The following FBXL17 variants were observed in gnomAD, a reference collection of about 807,000 sequenced individuals.
FBXL17 encodes F-box and leucine rich repeat protein 17.
FBXL17 carries 22 observed loss-of-function variants against 66.2 expected under a neutral mutation model. The ratio of observed to expected loss-of-function variants is 0.33; its 90% CI spans 0.24 to 0.47. The LOEUF (loss-of-function observed/expected upper bound fraction) is 0.47, where lower values mean the gene tolerates loss of function less well. Ranked by LOEUF, FBXL17 falls within the 20% of genes least tolerant of loss-of-function variation. The probability of loss-of-function intolerance (pLI) is 1.00; values close to 1 mark genes in which losing one functional copy is unlikely to be tolerated. For missense variants in FBXL17, 878 were observed against 948.2 expected (o/e 0.93, Z 0.97); for synonymous variants, 474 against 400.5 (o/e 1.18, Z -2.19).
chr5:108,364,716 C>T, intron 3 of FBXL17, 22 bp downstream of exon 3: 1 of 1,573,108 alleles, frequency 6.4e-7, no homozygotes, highest in Non-Finnish European at 8.7e-7. Flanking sequence ...AGTAAAATCA[C>T]TTTATAAATG....
intron 6 of FBXL17, among the ~76,000 whole-genome samples, chr5:108,070,942 T>C (rs777889497): frequency 6.6e-6 from 1 of 152,238 alleles, no homozygotes; most frequent in Admixed American, 6.5e-5. Context: ...ACAAATCTTT[T>C]AAATTCAGGA....
intron 4 of FBXL17, among the ~76,000 whole-genome samples, chr5:108,329,784 A>G (rs1057157061): frequency 1.3e-5 from 2 of 152,280 alleles, no homozygotes; most frequent in East Asian, 1.9e-4. Flanking sequence ...TACATAAGTG[A>G]CATCCCTTTC....
chr5:107,932,211 T>C, intron 7 of FBXL17, among the ~76,000 whole-genome samples: 1 of 152,202 alleles, frequency 6.6e-6, no homozygotes, highest in East Asian at 1.9e-4. Flanking sequence ...CATCAATAAA[T>C]TTCACTGAAT....
intron 6 of FBXL17, among the ~76,000 whole-genome samples, chr5:108,152,181 AAAGTCAAGATAATAATTTAG>A (rs1260113263): frequency 6.6e-6 from 1 of 152,236 alleles, no homozygotes; most frequent in African/African-American, 2.4e-5. Context: ...AAAACACTGA[AAAGTCAAGATAATAATTTAG>A]TACAATATTT....
chr5:107,859,350 A>T lies in FBXL17; in HGVS notation c.*2370T>A, dbSNP rs1017044739. 2 of 149,222 alleles carry T rather than the reference A, an allele frequency of 1.3e-5. No homozygotes were observed. Among genetic ancestry groups the T allele is most frequent in the Admixed American group, 1.3e-4 (2 of 15,004 alleles). 9.2% of individuals were successfully genotyped at this position (149,222 alleles called of 1,614,324 possible). On this transcript the variant is annotated 3_prime_UTR_variant, in exon 9 of 9. Transcript: ENST00000542267. Reference sequence around the variant, plus strand: ...GCATCTAATGAGAACACATTCAACAACCATCACAGGACCACTCAAGGTGAT... The same window carrying T: ...GCATCTAATGAGAACACATTCAACATCCATCACAGGACCACTCAAGGTGAT...
chr5:107,874,628 C>G (rs1424581718), intron 8 of FBXL17, among the ~76,000 whole-genome samples: 1 of 152,124 alleles, frequency 6.6e-6, no homozygotes, highest in East Asian at 1.9e-4. Context: ...TTATAAAGTT[C>G]CACATCAGTG....
At chr5:108,365,125 G>C in intron 2 of FBXL17, 130 bp from the exon 3 acceptor site, 1 of 628,952 alleles carries the variant, frequency 1.6e-6, no homozygotes. Flanking sequence ...AATCAAAAGA[G>C]AAACCGTCTT....
chr5:108,127,460 TAA>T (rs1750767143), intron 6 of FBXL17, among the ~76,000 whole-genome samples: 1 of 152,184 alleles, frequency 6.6e-6, no homozygotes, highest in Non-Finnish European at 1.5e-5. Context: ...CTCATATAAA[TAA>T]AATGCACAGT....
At chr5:108,111,811 A>G (rs1750046940) in intron 6 of FBXL17, among the ~76,000 whole-genome samples, 1 of 152,324 alleles carries the variant, frequency 6.6e-6, no homozygotes, top group East Asian at 1.9e-4. Flanking sequence ...TTACAAATGG[A>G]TTGATTACTT....
chr5:108,044,487 G>T (rs1450305583), intron 6 of FBXL17, among the ~76,000 whole-genome samples: 1 of 152,044 alleles, frequency 6.6e-6, no homozygotes, highest in Non-Finnish European at 1.5e-5. Context: ...TGAATCCCGG[G>T]AATAAATTCC....
At chr5:107,979,870 C>A (rs985190949) in intron 7 of FBXL17, among the ~76,000 whole-genome samples, 1 of 151,810 alleles carries the variant, frequency 6.6e-6, no homozygotes, top group African/African-American at 2.4e-5. Context: ...AGAAATATAT[C>A]CTGTTTACTT....
At chr5:107,921,296 G>C (rs1025022385) in intron 7 of FBXL17, among the ~76,000 whole-genome samples, 2 of 151,166 alleles carry the variant, frequency 1.3e-5, no homozygotes, top group Non-Finnish European at 3.0e-5. Context: ...ATTCTGTAAA[G>C]TTAAACAGCT....
intron 6 of FBXL17, among the ~76,000 whole-genome samples, chr5:108,144,010 C>T (rs1751463783): frequency 6.6e-6 from 1 of 151,808 alleles, no homozygotes; most frequent in Non-Finnish European, 1.5e-5. Context: ...TCCTTATCTG[C>T]AGCTTTTAAA....
At chr5:108,142,243 C>G (rs1314702483) in intron 6 of FBXL17, among the ~76,000 whole-genome samples, 1 of 152,196 alleles carries the variant, frequency 6.6e-6, no homozygotes, top group African/African-American at 2.4e-5. Flanking sequence ...CTATAAGAGG[C>G]TCCACTCAAA....
intron 7 of FBXL17, among the ~76,000 whole-genome samples, chr5:108,003,319 C>T (rs1032535735): frequency 6.6e-6 from 1 of 152,128 alleles, no homozygotes; most frequent in African/African-American, 2.4e-5. Context: ...GCCCAAGAAA[C>T]TGAAAGTAGT....
intron 5 of FBXL17, among the ~76,000 whole-genome samples, chr5:108,214,603 C>T (rs1381206169): frequency 6.6e-6 from 1 of 151,978 alleles, no homozygotes. Context: ...AACTCCTGAC[C>T]TCGTGATCTG....
chr5:108,246,025 T>C (rs1169489518), intron 4 of FBXL17, among the ~76,000 whole-genome samples: 8 of 152,176 alleles, frequency 5.3e-5, no homozygotes, highest in Non-Finnish European at 8.8e-5. Context: ...TGCCTCACAA[T>C]GTCTGTCTCT....
intron 6 of FBXL17, among the ~76,000 whole-genome samples, chr5:108,033,655 G>A (rs768835389): frequency 1.2e-4 from 18 of 152,154 alleles, no homozygotes; most frequent in Admixed American, 2.0e-4. Context: ...CGTAGTAGGT[G>A]CGCAATTAGT....
At chr5:107,980,664 A>ATATATATATATATTTTTTTTTT in intron 7 of FBXL17, among the ~76,000 whole-genome samples, 3 of 62,076 alleles carry the variant, frequency 4.8e-5, no homozygotes, top group African/African-American at 3.1e-4. Flanking sequence ...ATATATATAT[A>ATATATATATATATTTTTTTTTT]TTTTTTTTTT....
Sources: allele counts gnomAD v4.1 joint callset (sites outside exome capture counted in the v4.1 genomes callset), GRCh38; gene constraint gnomAD v4.1.1; transcripts MANE v1.5; gene names NCBI Gene and HGNC (gene_info 2026-07-23, HGNC 2026-07-21).